Variants in NCAPD3 observed in about 807,000 individuals in gnomAD.
NCAPD3 encodes non-SMC condensin II complex subunit D3.
NCAPD3 carries 105 observed loss-of-function variants against 182.9 expected under a neutral mutation model. The ratio of observed to expected loss-of-function variants is 0.57; its 90% CI spans 0.49 to 0.68. The LOEUF (loss-of-function observed/expected upper bound fraction) is 0.68, where lower values mean the gene tolerates loss of function less well. Among genes scored for constraint, NCAPD3 ranks in the 30% least tolerant of loss-of-function variants. The probability of loss-of-function intolerance (pLI) is 0.00; values close to 1 mark genes in which losing one functional copy is unlikely to be tolerated. For missense variants in NCAPD3, 1,944 were observed against 1,837.0 expected (o/e 1.06, Z -1.07); for synonymous variants, 815 against 679.9 (o/e 1.20, Z -3.09).
In NCAPD3 at chr11:134,204,099, C is replaced by G; in HGVS notation, c.1162G>C (p.Gly388Arg). The G allele has an allele frequency of 6.2e-7, 1 of 1,614,084 alleles. No individual in the cohort carries two copies. Among genetic ancestry groups the G allele is most frequent in the Non-Finnish European group, 8.5e-7 (1 of 1,180,000 alleles). Residue 388 changes from glycine (G) to arginine (R), a missense_variant, in exon 10 of 35, where the codon GGG becomes CGG. Around this residue, in one of 3 missense-constraint regions of NCAPD3, gnomAD observed 1,803 missense variants for 1,674.6 expected, o/e 1.08. Transcript: ENST00000534548. The surrounding 1 kb of genome is among the most constrained non-coding windows in gnomAD (Gnocchi z 4.3). ...CAGGCAATGAACATAGCGTATTCCC[C>G]ACAAGGAAGTTTACTGAGCAGCTGG... Reference protein sequence around the residue: ...LVQLLSKLPCGEYAMFIAWLY... With the variant: ...LVQLLSKLPCREYAMFIAWLY...
At chr11:134,201,433 G>A (rs1944746696) in intron 13 of NCAPD3, among the ~76,000 whole-genome samples, 1 of 152,114 alleles carries the variant, frequency 6.6e-6, no homozygotes, top group African/African-American at 2.4e-5. Flanking sequence ...TTCAGCTGAT[G>A]GAATGTTCTG....
chr11:134,158,166 C>A (rs913298912), intron 30 of NCAPD3, 99 bp from the exon 31 acceptor site: 35 of 1,519,036 alleles, frequency 2.3e-5, no homozygotes, highest in Non-Finnish European at 3.1e-5. Context: ...ACCGGCGCAT[C>A]CCTCACCACC....
chr11:134,223,456 G>A (rs1938320497), intron 1 of NCAPD3: 1 of 702,574 alleles, frequency 1.4e-6, no homozygotes, highest in Non-Finnish European at 2.6e-6. Context: ...GTTTGATGAT[G>A]TCTGCATGTG....
At chr11:134,167,320 A>G (rs61909692) in intron 27 of NCAPD3, among the ~76,000 whole-genome samples, 75,288 of 76,924 alleles carry the variant, frequency 0.98, 36,838 homozygotes, top group African/African-American at 0.99. Flanking sequence ...TCACTTGTGA[A>G]ATGAGCCTGG....
intron 19 of NCAPD3, 31 bp from the exon 20 acceptor site, chr11:134,181,215 G>A: frequency 7.0e-7 from 1 of 1,437,874 alleles, no homozygotes; most frequent in Non-Finnish European, 9.8e-7. Context: ...TCTCTGAAGG[G>A]CCCCGCACAT....
chr11:134,181,951 C>G (rs774720030), intron 19 of NCAPD3, among the ~76,000 whole-genome samples: 4 of 152,204 alleles, frequency 2.6e-5, no homozygotes, highest in African/African-American at 9.7e-5. Context: ...AACCATCATC[C>G]AGTGCCTGGC....
intron 4 of NCAPD3, chr11:134,209,875 T>C (rs1242952733): frequency 4.5e-6 from 1 of 222,280 alleles, no homozygotes; most frequent in African/African-American, 2.3e-5. Flanking sequence ...GCCAACATGG[T>C]GAAACCCCAT....
In NCAPD3 at chr11:134,152,771, T is replaced by C; in HGVS notation, c.*173A>G. ...TATTATTTGACAGTGTTTAACCAAA[T>C]ACATCATACAGAATAGAAGGTGAGT... On this transcript the variant is annotated 3_prime_UTR_variant, in exon 35 of 35. Transcript: ENST00000534548. 1.9e-6 allele frequency: 1 copy of C among 533,434 alleles called. No homozygotes were observed. Among genetic ancestry groups the C allele is most frequent in the East Asian group, 2.9e-5 (1 of 34,288 alleles). The allele number at this position is 533,434 out of a possible 1,614,324, so 33.0% of individuals were successfully genotyped here. A position where few individuals can be genotyped will look rare whatever the true frequency, so the allele number is the denominator to read the frequency against.
intron 4 of NCAPD3, among the ~76,000 whole-genome samples, 185 bp downstream of exon 4, chr11:134,210,081 GAAGA>G (rs1937774276): frequency 6.6e-6 from 1 of 152,102 alleles, no homozygotes; most frequent in African/African-American, 2.4e-5. Context: ...AAGAAAAAAG[GAAGA>G]AAGTAAGAAA....
chr11:134,177,352 A>G lies in NCAPD3; in HGVS notation c.2888T>C (p.Ile963Thr). 6.2e-7 allele frequency: 1 copy of G among 1,614,236 alleles called. No individual in the cohort carries two copies. The highest frequency in any genetic ancestry group is 8.5e-7 in the Non-Finnish European group (1 of 1,180,040). The change falls in exon 23 of 35, where the codon ATT (isoleucine) becomes ACT (threonine). Residue 963 changes from isoleucine to threonine, a missense_variant. By Grantham distance (89) the Ile-to-Thr change is moderately conservative. Transcript: ENST00000534548. ...EDVAVRNNVI[I>T]VMCDLCIRYT... ...GCGAATGCAGAGATCGCACATTACA[A>G]TGATGACGTTGTTGCGGACAGCCAC...
rs1311828730 is a variant in NCAPD3, at chr11:134,191,660, A to AATT, written c.2045+1028_2045+1029insAAT. Among the ~76,000 whole-genome samples the AATT allele has an allele frequency of 3.3e-5, 5 of 152,222 alleles. No individual in the cohort carries two copies. In the South Asian group the frequency reaches 1.0e-3, roughly 32 times the overall value. ...GCATGCATAAGGAGGTATCTCTAAG[A>AATT]AAAGTGAAAAAGCAGTAGACTCTAT... On this transcript the variant is annotated intron_variant, in intron 16 of 34. Transcript: ENST00000534548.
chr11:134,193,722 T>C (rs1255582019), intron 15 of NCAPD3, among the ~76,000 whole-genome samples: 1 of 152,180 alleles, frequency 6.6e-6, no homozygotes, highest in Non-Finnish European at 1.5e-5. Context: ...CACTGCACTC[T>C]AAGCCTGAGA....
Position 134,201,754 on chromosome 11 carries a change from T to C in NCAPD3, c.1615+1062A>G, listed in dbSNP as rs140113314. Reference sequence around the variant, plus strand: ...TGCCACCGTAAATCCGTAACCTGTTTAGACGAAGTCTGGAGCCAACACAAA... The same window carrying C: ...TGCCACCGTAAATCCGTAACCTGTTCAGACGAAGTCTGGAGCCAACACAAA... On this transcript the variant is annotated intron_variant, in intron 13 of 34. Transcript: ENST00000534548. 1.7e-4 allele frequency among the ~76,000 whole-genome samples: 26 copies of C among 152,388 alleles called. 1 individual carries two copies. The highest frequency in any genetic ancestry group is 6.3e-4 in the African/African-American group (26 of 41,600).
At chr11:134,180,045 T>G in intron 20 of NCAPD3, among the ~76,000 whole-genome samples, 1 of 148,620 alleles carries the variant, frequency 6.7e-6, no homozygotes, top group African/African-American at 2.5e-5. Flanking sequence ...GGAGGAGGGG[T>G]GGGGACAAGA....
chr11:134,177,403 A>G lies in NCAPD3; in HGVS notation c.2837T>C (p.Val946Ala). The G allele has an allele frequency of 6.2e-7, 1 of 1,614,258 alleles. No individual in the cohort carries two copies. ...DLAKKSIPALVRELEVCEDVA... is the reference protein window; with the variant it reads ...DLAKKSIPALARELEVCEDVA... ...GTCCTCACACACCTCGAGCTCTCGC[A>G]CCAGGGCTGGGATGCTCTTCTTTGC... Residue 946 changes from valine (V) to alanine (A), a missense_variant, in exon 23 of 35, where the codon GTG becomes GCG. Coordinates refer to ENST00000534548, the MANE Select transcript of NCAPD3 (RefSeq NM_015261.3).
intron 4 of NCAPD3, 153 bp from the exon 5 acceptor site, chr11:134,209,630 G>T (rs1591860380): frequency 3.1e-6 from 2 of 655,460 alleles, no homozygotes; most frequent in East Asian, 5.5e-5. Context: ...ACTGTTCTAG[G>T]TCTCCTTGGC....
chr11:134,166,928 G>C (rs1014070046), intron 27 of NCAPD3, among the ~76,000 whole-genome samples: 1 of 127,016 alleles, frequency 7.9e-6, no homozygotes, highest in Non-Finnish European at 1.6e-5. Flanking sequence ...CGTGAGATGA[G>C]CTTAGGGGAG....
At chr11:134,213,518 A>G (rs1937916087) in intron 3 of NCAPD3, among the ~76,000 whole-genome samples, 1 of 151,732 alleles carries the variant, frequency 6.6e-6, no homozygotes. Context: ...GGGTTTCACC[A>G]TGTTGGCCAG....
At chr11:134,185,699 T>C (rs1273513785) in intron 16 of NCAPD3, among the ~76,000 whole-genome samples, 173 bp from the exon 17 acceptor site, 3 of 152,180 alleles carry the variant, frequency 2.0e-5, no homozygotes, top group East Asian at 1.9e-4. Context: ...AAACTAGGTA[T>C]CTTTTAAATT....
Sources: allele counts gnomAD v4.1 joint callset (sites outside exome capture counted in the v4.1 genomes callset), GRCh38; gene constraint gnomAD v4.1.1; regional missense constraint gnomAD v4.1.1; non-coding constraint Gnocchi (gnomAD v3.1); transcripts MANE v1.5; gene names NCBI Gene and HGNC (gene_info 2026-07-23, HGNC 2026-07-21).